Variants in ZNF618 observed in about 807,000 individuals in gnomAD.
ZNF618 encodes neural precursor cell expressed, developmentally down-regulated 10.
A neutral mutation model predicts 103.0 loss-of-function variants in ZNF618; 34 were observed. The observed-to-expected ratio is 0.33, with a 90% CI of 0.25 to 0.44. ZNF618 has a LOEUF of 0.44. Among genes scored for constraint, ZNF618 ranks in the 20% least tolerant of loss-of-function variants. The pLI, the probability that ZNF618 is intolerant of heterozygous loss-of-function variation, is 1.00. For missense variants in ZNF618, 1,059 were observed against 1,295.4 expected (o/e 0.82, Z 2.80); for synonymous variants, 551 against 542.2 (o/e 1.02, Z -0.23).
rs146318771 is a variant in ZNF618 at position 113,879,644 on chromosome 9, T to G, written c.33+3231T>G. On this transcript the variant is annotated intron_variant, in intron 1 of 14. Transcript: ENST00000374126. ...TGTTCACCACATTCTCGTAGATTAT[T>G]GGGCAAAATATCTGGCAAATTGGAC... Among the ~76,000 whole-genome samples, 505 of 152,164 alleles carry G rather than the reference T, an allele frequency of 3.3e-3. 3 individuals are homozygous for G. Among genetic ancestry groups the G allele is most frequent in the Middle Eastern group, 0.014 (4 of 294 alleles).
chr9:114,048,716 C>A lies in ZNF618; in HGVS notation c.1414C>A (p.Arg472=). 1 of 1,613,996 alleles carries A rather than the reference C, an allele frequency of 6.2e-7. No homozygotes were observed. Among genetic ancestry groups the A allele is most frequent in the South Asian group, 1.1e-5 (1 of 91,078 alleles). ...PEKERQNIAE[R]LLRVMCADLG... Reference sequence around the variant, plus strand: ...AAAGGAGCGGCAGAACATCGCAGAGCGGCTGTTGAGGGTCATGTGTGCCGA... The same window carrying A: ...AAAGGAGCGGCAGAACATCGCAGAGAGGCTGTTGAGGGTCATGTGTGCCGA... The change falls in exon 15 of 15, where the codon CGG becomes AGG. Residue 472 remains arginine (R), a synonymous_variant. Transcript: ENST00000374126.
chr9:113,969,438 A>G (rs1837741406), intron 2 of ZNF618, among the ~76,000 whole-genome samples: 2 of 152,258 alleles, frequency 1.3e-5, no homozygotes, highest in Admixed American at 1.3e-4. Context: ...AAGACTAGGC[A>G]GAAAGACCTG....
chr9:114,047,991 A>G lies in ZNF618; in HGVS notation c.1345A>G (p.Asn449Asp). ...KPQAQRNSAN[N>D]TTTSGLTPNS... The stretch of plus-strand genomic sequence containing the variant: ...TCAGGCCCAGAGGAACAGTGCCAAT[A>G]ACAGTAGGTCTCCCCAAGCAGGGCT... Residue 449 changes from asparagine to aspartate, a missense_variant, in exon 14 of 15, where the codon AAC (asparagine) becomes GAC (aspartate). Physicochemically the swap from Asn to Asp is conservative, Grantham distance 23 (BLOSUM62 1). Transcript: ENST00000374126. The G allele has an allele frequency of 6.3e-7, 1 of 1,581,098 alleles. No homozygotes were observed. The highest frequency in any genetic ancestry group is 8.6e-7 in the Non-Finnish European group (1 of 1,163,504).
chr9:113,977,891 C>G (rs1294953722), intron 2 of ZNF618, among the ~76,000 whole-genome samples: 1 of 152,154 alleles, frequency 6.6e-6, no homozygotes, highest in East Asian at 1.9e-4. Context: ...AGGAAATTTA[C>G]TGTTAATATT....
chr9:113,968,985 G>A (rs1161244260), intron 1 of ZNF618, 132 bp from the exon 2 acceptor site: 1 of 1,022,076 alleles, frequency 9.8e-7, no homozygotes, highest in Non-Finnish European at 1.5e-6. Context: ...TGGAGGAGCG[G>A]GACAGGGGCT....
At chr9:114,013,793 C>T (rs960063909) in intron 9 of ZNF618, among the ~76,000 whole-genome samples, 6 of 152,172 alleles carry the variant, frequency 3.9e-5, no homozygotes, top group African/African-American at 1.4e-4. Context: ...GTAGGTTAAG[C>T]CTTCCTATTC....
intron 1 of ZNF618, among the ~76,000 whole-genome samples, chr9:113,936,175 G>A (rs1277093624): frequency 6.6e-6 from 1 of 152,146 alleles, no homozygotes; most frequent in Non-Finnish European, 1.5e-5. Context: ...AGTGCAGCTT[G>A]GTGGTCAGAG....
intron 8 of ZNF618, 37 bp from the exon 9 acceptor site, chr9:114,008,440 G>C: frequency 6.2e-7 from 1 of 1,613,642 alleles, no homozygotes; most frequent in Non-Finnish European, 8.5e-7. Flanking sequence ...TGAGACCTGG[G>C]GGACCAGGGT....
At chr9:113,916,504 G>A (rs1368079278) in intron 1 of ZNF618, among the ~76,000 whole-genome samples, 1 of 152,202 alleles carries the variant, frequency 6.6e-6, no homozygotes, top group Non-Finnish European at 1.5e-5. Flanking sequence ...AGAGGTAAGT[G>A]TACCAGTCTA....
At chr9:113,882,850 C>T (rs574992930) in intron 1 of ZNF618, among the ~76,000 whole-genome samples, 7 of 152,170 alleles carry the variant, frequency 4.6e-5, no homozygotes, top group South Asian at 2.1e-4. Flanking sequence ...AGACCCTCCT[C>T]GAGATCAGCT....
At chr9:113,989,851 G>C (rs952404453) in intron 3 of ZNF618, among the ~76,000 whole-genome samples, 5 of 152,226 alleles carry the variant, frequency 3.3e-5, no homozygotes. Context: ...GCAGCATCCT[G>C]CTAACAGCCA....
intron 1 of ZNF618, among the ~76,000 whole-genome samples, chr9:113,885,445 G>A (rs1438842949): frequency 1.3e-5 from 2 of 152,218 alleles, no homozygotes; most frequent in African/African-American, 4.8e-5. Context: ...TGGGTAAGTT[G>A]TGTAAACTGA....
intron 2 of ZNF618, among the ~76,000 whole-genome samples, chr9:113,985,216 C>G (rs1839353614): frequency 6.6e-6 from 1 of 152,208 alleles, no homozygotes; most frequent in Non-Finnish European, 1.5e-5. Flanking sequence ...TAGGAACCTG[C>G]AACTGGCAGT....
intron 1 of ZNF618, among the ~76,000 whole-genome samples, chr9:113,960,009 C>T (rs1024482450): frequency 1.3e-5 from 2 of 152,244 alleles, no homozygotes; most frequent in Non-Finnish European, 2.9e-5. Context: ...ATGAAGGAAA[C>T]GAGGCCCTCT....
Position 113,971,781 on chromosome 9 carries a change from T to C in ZNF618, c.77+2621T>C, listed in dbSNP as rs112271160. Among the ~76,000 whole-genome samples, 659 of 152,248 alleles carry C rather than the reference T, an allele frequency of 4.3e-3. 1 individual carries two copies. Among genetic ancestry groups the C allele is most frequent in the Non-Finnish European group, 6.0e-3 (409 of 68,016 alleles). ...GAAGAATGCTGAGATTGATTGGAGA[T>C]GCCTGCCCAGTCAGAGGAGGGGTAG... On this transcript the variant is annotated intron_variant, in intron 2 of 14. Transcript: ENST00000374126.
At chr9:114,007,753 A>G (rs950937909) in intron 7 of ZNF618, among the ~76,000 whole-genome samples, 1 of 152,242 alleles carries the variant, frequency 6.6e-6, no homozygotes, top group African/African-American at 2.4e-5. Context: ...GTTCTGATTA[A>G]ATTAAACCGG....
intron 1 of ZNF618, among the ~76,000 whole-genome samples, chr9:113,910,938 C>G (rs1006537777): frequency 6.6e-6 from 1 of 151,970 alleles, no homozygotes; most frequent in African/African-American, 2.4e-5. Flanking sequence ...CCAAGTGATT[C>G]TCCTGCCTCA....
chr9:114,033,724 G>A (rs1844315399), intron 12 of ZNF618, among the ~76,000 whole-genome samples: 1 of 152,242 alleles, frequency 6.6e-6, no homozygotes, highest in Non-Finnish European at 1.5e-5. Flanking sequence ...GGCAGGGCAG[G>A]AGGGGAGAGG....
chr9:113,912,712 C>T (rs747679026), intron 1 of ZNF618, among the ~76,000 whole-genome samples: 3 of 152,140 alleles, frequency 2.0e-5, no homozygotes, highest in South Asian at 2.1e-4. Context: ...CCTCCCCTGT[C>T]GTGGGATGCA....
Sources: allele counts gnomAD v4.1 joint callset (sites outside exome capture counted in the v4.1 genomes callset), GRCh38; gene constraint gnomAD v4.1.1; transcripts MANE v1.5; gene names NCBI Gene and HGNC (gene_info 2026-07-23, HGNC 2026-07-21).